Variants in ACOT7 observed in about 807,000 individuals in gnomAD.
ACOT7 encodes acyl-CoA thioesterase 7.
In ACOT7, 12 loss-of-function variants were observed where a neutral mutation model predicts 40.2. The observed-to-expected ratio is 0.30, with a 90% CI of 0.19 to 0.48. The LOEUF (loss-of-function observed/expected upper bound fraction) is 0.48, where lower values mean the gene tolerates loss of function less well. Among genes scored for constraint, ACOT7 ranks in the 20% least tolerant of loss-of-function variants. The probability of loss-of-function intolerance (pLI) is 0.99; values close to 1 mark genes in which losing one functional copy is unlikely to be tolerated. For synonymous variants in ACOT7, 228 were observed against 219.5 expected (o/e 1.04, Z -0.34); for missense variants, 395 against 530.8 (o/e 0.74, Z 2.51).
chr1:6,343,842 C>A (rs527662841), intron 2 of ACOT7, among the ~76,000 whole-genome samples: 2 of 152,242 alleles, frequency 1.3e-5, no homozygotes, highest in Non-Finnish European at 2.9e-5. Flanking sequence ...GGGGCAGAGG[C>A]CTTCCACCTC....
At chr1:6,319,862 G>A (rs1215674920) in intron 5 of ACOT7, among the ~76,000 whole-genome samples, 1 of 152,250 alleles carries the variant, frequency 6.6e-6, no homozygotes, top group Non-Finnish European at 1.5e-5. Flanking sequence ...TCCGCCCTGA[G>A]CCATCCACGA....
In ACOT7 at chr1:6,274,856, T is replaced by G. The variant is rs1639143484; in HGVS notation, c.1014+6246A>C. Among the ~76,000 whole-genome samples the G allele has an allele frequency of 6.6e-6, 1 of 152,088 alleles. No homozygotes were observed. The highest frequency in any genetic ancestry group is 1.5e-5 in the Non-Finnish European group (1 of 68,002). On this transcript the variant is annotated intron_variant, in intron 8 of 8. Transcript: ENST00000361521. This position sits in a 1 kb window ranked among gnomAD's most constrained non-coding sequence, Gnocchi z 5.9. The stretch of plus-strand genomic sequence containing the variant: ...GTGCAGGTGGGCAGCGCGTTGGGAC[T>G]CCCAGGGTTTAGGTTCTTGCACAGA...
chr1:6,308,495 A>AGGCAGAGGGAATTACAACCG, intron 6 of ACOT7, among the ~76,000 whole-genome samples: 1 of 149,350 alleles, frequency 6.7e-6, no homozygotes, highest in Non-Finnish European at 1.5e-5. Flanking sequence ...AACCACAACC[A>AGGCAGAGGGAATTACAACCG]GGCAGAGGGA....
intron 1 of ACOT7, chr1:6,385,692 A>G: frequency 6.2e-7 from 1 of 1,604,382 alleles, no homozygotes; most frequent in South Asian, 1.1e-5. Context: ...CAAACTGTTT[A>G]CCCAGTGACA....
At chr1:6,385,734 T>A in intron 1 of ACOT7, 1 of 1,540,922 alleles carries the variant, frequency 6.5e-7, no homozygotes, top group Non-Finnish European at 8.7e-7. Flanking sequence ...CAAGCCTGTG[T>A]CTGCCTGGCC....
intron 2 of ACOT7, among the ~76,000 whole-genome samples, chr1:6,348,090 C>G (rs1361586586): frequency 1.3e-5 from 2 of 151,954 alleles, no homozygotes; most frequent in Admixed American, 1.3e-4. Context: ...CTCTCAGGCT[C>G]AGGCCCACCC....
intron 5 of ACOT7, among the ~76,000 whole-genome samples, chr1:6,319,765 G>A (rs759366505): frequency 2.0e-5 from 3 of 152,232 alleles, no homozygotes; most frequent in Non-Finnish European, 2.9e-5. Flanking sequence ...GAGCAGATGG[G>A]GTCCTGGCAG....
intron 6 of ACOT7, among the ~76,000 whole-genome samples, chr1:6,313,811 CAA>C (rs112424224): frequency 1.4e-5 from 2 of 142,066 alleles, no homozygotes; most frequent in African/African-American, 2.5e-5. Context: ...ATTGTTAGTT[CAA>C]AAAAAAAAAA....
At chr1:6,277,206 G>A (rs1407254676) in intron 8 of ACOT7, among the ~76,000 whole-genome samples, 1 of 152,222 alleles carries the variant, frequency 6.6e-6, no homozygotes, top group East Asian at 1.9e-4. Context: ...GGCCCCTCGT[G>A]GTCACTGCAC....
At chr1:6,391,869 CAA>C (rs1642538435) in intron 1 of ACOT7, among the ~76,000 whole-genome samples, 1 of 152,072 alleles carries the variant, frequency 6.6e-6, no homozygotes, top group Non-Finnish European at 1.5e-5. Context: ...CCATGGAGCC[CAA>C]GTTTCCCAGC....
intron 1 of ACOT7, among the ~76,000 whole-genome samples, chr1:6,379,115 C>T (rs934365979): frequency 6.6e-5 from 10 of 151,912 alleles, no homozygotes; most frequent in East Asian, 3.9e-4. Flanking sequence ...AGGATGGTCC[C>T]GATCTCCTGA....
intron 7 of ACOT7, among the ~76,000 whole-genome samples, chr1:6,291,287 T>C (rs921816937): frequency 2.0e-5 from 3 of 151,624 alleles, no homozygotes; most frequent in African/African-American, 7.3e-5. Context: ...CAAGTGTCCT[T>C]ATAAGAGACA....
chr1:6,322,305 T>C (rs1472967938), intron 5 of ACOT7, among the ~76,000 whole-genome samples: 1 of 152,228 alleles, frequency 6.6e-6, no homozygotes, highest in Non-Finnish European at 1.5e-5. Flanking sequence ...TCTACTCTGC[T>C]TCTGACTCCA....
Position 6,294,768 on chromosome 1 carries a change from C to G in ACOT7, c.829+96G>C. 1.1e-6 allele frequency: 1 copy of G among 923,078 alleles called. No homozygotes were observed. The highest frequency in any genetic ancestry group is 1.7e-6 in the Non-Finnish European group (1 of 580,274). The allele number at this position is 923,078 out of a possible 1,614,324, so 57.2% of individuals were successfully genotyped here. On this transcript the variant is annotated intron_variant, in intron 7 of 8. Transcript: ENST00000361521. This position sits in a 1 kb window ranked among gnomAD's most constrained non-coding sequence, Gnocchi z 4.6. ...TGGCAGATGGGCACACACCAAGGCC[C>G]ACATGACCCTGGGTGTGAACAGAAA...
intron 2 of ACOT7, among the ~76,000 whole-genome samples, chr1:6,339,798 G>A (rs900747136): frequency 1.4e-5 from 2 of 147,488 alleles, no homozygotes; most frequent in African/African-American, 5.1e-5. Context: ...GGAGTGCAGT[G>A]GCAAGATCTC....
intron 1 of ACOT7, among the ~76,000 whole-genome samples, chr1:6,366,822 A>T (rs954849163): frequency 2.0e-5 from 3 of 151,946 alleles, no homozygotes; most frequent in Non-Finnish European, 4.4e-5. Flanking sequence ...CACCAGGCTA[A>T]TTTTTTGTAT....
chr1:6,302,279 C>T (rs1639994386), intron 6 of ACOT7, among the ~76,000 whole-genome samples: 1 of 152,164 alleles, frequency 6.6e-6, no homozygotes, highest in Admixed American at 6.5e-5. Context: ...TCTTTGTCCA[C>T]TTCAGGTCAT....
Position 6,267,047 on chromosome 1 carries a change from T to C in ACOT7, c.1015-2352A>G, listed in dbSNP as rs182809931. Among the ~76,000 whole-genome samples, 6 of 152,134 alleles carry C rather than the reference T, an allele frequency of 3.9e-5. No individual in the cohort carries two copies. The East Asian group carries it at 7.7e-4, about 20-fold the overall frequency. On this transcript the variant is annotated intron_variant, in intron 8 of 8. Coordinates refer to ENST00000361521, the MANE Select transcript of ACOT7 (RefSeq NM_007274.4). Reference sequence around the variant, plus strand: ...GGTCCTCCCTCTAGCTGGTGGAGTATCTGCCCTCCACAGAGAGGAAAGACG... The same window carrying C: ...GGTCCTCCCTCTAGCTGGTGGAGTACCTGCCCTCCACAGAGAGGAAAGACG...
chr1:6,340,388 C>T (rs1269693524), intron 2 of ACOT7, among the ~76,000 whole-genome samples: 1 of 152,210 alleles, frequency 6.6e-6, no homozygotes, highest in Non-Finnish European at 1.5e-5. Flanking sequence ...TTCTTCCTTT[C>T]TTCTGATTTT....
Sources: gnomAD v4.1 joint callset for allele counts (sites outside exome capture counted in the v4.1 genomes callset) on GRCh38, gnomAD v4.1.1 for gene constraint, Gnocchi (gnomAD v3.1) non-coding constraint, MANE v1.5 for transcripts, NCBI Gene and HGNC (gene_info 2026-07-23, HGNC 2026-07-21) for gene names.